The following IFNAR1 variants were observed in gnomAD, a reference collection of about 807,000 sequenced individuals.
IFNAR1 encodes the protein interferon alpha/beta receptor 1.
A neutral mutation model predicts 62.1 loss-of-function variants in IFNAR1; 47 were observed. The ratio of observed to expected loss-of-function variants is 0.76; its 90% confidence interval spans 0.60 to 0.97. The LOEUF (loss-of-function observed/expected upper bound fraction) is 0.97. Ranked by LOEUF, IFNAR1 falls within the 50% of genes least tolerant of loss-of-function variation. The probability of loss-of-function intolerance (pLI) is 0.00; values close to 1 mark genes in which losing one functional copy is unlikely to be tolerated. For missense variants in IFNAR1, 638 were observed against 654.5 expected (o/e 0.97, Z 0.27); for synonymous variants, 219 against 226.9 (o/e 0.97, Z 0.31).
Position 33,349,544 on chromosome 21 carries a change from G to GTTTT in IFNAR1, c.1143+2_1143+3insTTTT. The GTTTT allele has an allele frequency of 6.3e-7, 1 of 1,580,496 alleles. No homozygotes were observed. The highest frequency in any genetic ancestry group is 8.7e-7 in the Non-Finnish European group (1 of 1,155,040). On this transcript the variant is annotated splice_donor_variant, in intron 8 of 10. Coordinates refer to ENST00000270139, the MANE Select transcript of IFNAR1 (RefSeq NM_000629.3). LOFTEE classifies it high-confidence loss of function. ...TTGGGAAAACACTTCAAATGCTGAGGTAAAAAGACTGTATAGTATAATTTT... is the reference window on the plus strand; with the variant it reads ...TTGGGAAAACACTTCAAATGCTGAGGTTTTTAAAAAGACTGTATAGTATAATTTT...
intron 6 of IFNAR1, 134 bp from the exon 7 acceptor site, chr21:33,348,957 T>A: frequency 1.7e-6 from 1 of 597,488 alleles, no homozygotes. Flanking sequence ...TAGATGCATA[T>A]CTCTTCCATT....
At chr21:33,354,490 A>G (rs2083429807) in intron 10 of IFNAR1, among the ~76,000 whole-genome samples, 2 of 152,260 alleles carry the variant, frequency 1.3e-5, no homozygotes, top group South Asian at 4.1e-4. Flanking sequence ...AAAATATTCT[A>G]TCAGCGTAGA....
chr21:33,349,251 T>C lies in IFNAR1; in HGVS notation c.949T>C (p.Phe317Leu). 1 of 1,612,964 alleles carries C rather than the reference T, an allele frequency of 6.2e-7. No individual in the cohort carries two copies. Among genetic ancestry groups the C allele is most frequent in the Non-Finnish European group, 8.5e-7 (1 of 1,179,244 alleles). Residue 317 changes from phenylalanine to leucine, a missense_variant, in exon 7 of 11, where the codon TTT becomes CTT. Phe to Leu is a conservative substitution (Grantham distance 22, BLOSUM62 0). Coordinates refer to ENST00000270139, the MANE Select transcript of IFNAR1 (RefSeq NM_000629.3). ...AGCATCTGATGGAAATAACACATCT[T>C]TTTGGTCTGAAGAGATAAAGTTTGA... is the stretch of plus-strand genomic sequence containing the variant. ...VQASDGNNTS[F>L]WSEEIKFDTE...
intron 3 of IFNAR1, among the ~76,000 whole-genome samples, chr21:33,342,688 C>CAAAAAA (rs757422966): frequency 1.1e-5 from 1 of 93,516 alleles, no homozygotes; most frequent in African/African-American, 4.0e-5. Context: ...ACTAAAAATA[C>CAAAAAA]AAAAAAAAAA....
In IFNAR1 at chr21:33,356,737, G is replaced by A. The variant is rs965860898; in HGVS notation, c.*1188G>A. Reference sequence around the variant, plus strand: ...AGATAGTGTATGCAAGAAGTCTTGGGACCAGAAAATGGCAATGATAGGAGA... The same window carrying A: ...AGATAGTGTATGCAAGAAGTCTTGGAACCAGAAAATGGCAATGATAGGAGA... On this transcript the variant is annotated 3_prime_UTR_variant, in exon 11 of 11. Coordinates refer to ENST00000270139, the MANE Select transcript of IFNAR1 (RefSeq NM_000629.3). 6.6e-6 allele frequency: 1 copy of A among 152,192 alleles called. No homozygotes were observed. Among genetic ancestry groups the A allele is most frequent in the African/African-American group, 2.4e-5 (1 of 41,438 alleles). 9.4% of individuals were successfully genotyped at this position (152,192 alleles called of 1,614,324 possible).
intron 2 of IFNAR1, among the ~76,000 whole-genome samples, chr21:33,340,531 T>C (rs569405488): frequency 2.0e-5 from 3 of 151,526 alleles, no homozygotes; most frequent in African/African-American, 7.2e-5. Context: ...GCTTTGCCTT[T>C]TTTTTTTTTT....
upstream of IFNAR1, chr21:33,324,729 G>A: frequency 2.6e-6 from 1 of 389,950 alleles, no homozygotes; most frequent in Non-Finnish European, 4.8e-6. Flanking sequence ...CCGGCCATAG[G>A]CCGGAAAGAG....
chr21:33,350,577 A>G (rs1248032024), intron 8 of IFNAR1, among the ~76,000 whole-genome samples: 1 of 152,330 alleles, frequency 6.6e-6, no homozygotes, highest in East Asian at 1.9e-4. Context: ...ACTGACAAAG[A>G]TAATATATAC....
chr21:33,339,349 A>C (rs1186697975), intron 2 of IFNAR1, among the ~76,000 whole-genome samples: 2 of 152,192 alleles, frequency 1.3e-5, no homozygotes, highest in Non-Finnish European at 2.9e-5. Flanking sequence ...AAAACTGGCC[A>C]AGAATGAAGT....
In IFNAR1 at chr21:33,349,267, T is replaced by A; in HGVS notation, c.965T>A (p.Ile322Lys). The A allele has an allele frequency of 6.2e-7, 1 of 1,607,198 alleles. No individual in the cohort carries two copies. Reference sequence around the variant, plus strand: ...AACACATCTTTTTGGTCTGAAGAGATAAAGTTTGATACTGAAATACAAGGT... The same window carrying A: ...AACACATCTTTTTGGTCTGAAGAGAAAAAGTTTGATACTGAAATACAAGGT... Reference protein sequence around the residue: ...GNNTSFWSEEIKFDTEIQAFL... With the variant: ...GNNTSFWSEEKKFDTEIQAFL... Residue 322 changes from isoleucine to lysine, a missense_variant, in exon 7 of 11, where the codon ATA becomes AAA. Coordinates refer to ENST00000270139, the MANE Select transcript of IFNAR1 (RefSeq NM_000629.3).
chr21:33,349,829 G>A (rs764851527), intron 8 of IFNAR1, among the ~76,000 whole-genome samples: 5 of 151,710 alleles, frequency 3.3e-5, no homozygotes, highest in Middle Eastern at 3.2e-3. Context: ...GGGGTGGGAG[G>A]GTCACTTGAA....
intron 6 of IFNAR1, among the ~76,000 whole-genome samples, chr21:33,346,807 G>A (rs540797893): frequency 7.2e-5 from 11 of 152,318 alleles, no homozygotes; most frequent in Admixed American, 4.6e-4. Context: ...CATAAGGAAA[G>A]AGATAAGGTA....
At chr21:33,344,514 A>G (rs1279669503) in intron 5 of IFNAR1, among the ~76,000 whole-genome samples, 1 of 149,812 alleles carries the variant, frequency 6.7e-6, no homozygotes, top group Non-Finnish European at 1.5e-5. Flanking sequence ...AATTCCATTC[A>G]CTAGAGATAA....
intron 6 of IFNAR1, among the ~76,000 whole-genome samples, chr21:33,345,973 A>G (rs954919820): frequency 2.0e-5 from 3 of 152,200 alleles, no homozygotes; most frequent in African/African-American, 7.2e-5. Flanking sequence ...CGTCCCAGCT[A>G]CTCAGTGGGC....
At chr21:33,324,942 A>C, upstream of IFNAR1, 2 of 867,462 alleles carry the variant, frequency 2.3e-6, no homozygotes, top group Non-Finnish European at 3.6e-6. Context: ...GGTGAGAGCT[A>C]AGAGGGGCAG....
intron 1 of IFNAR1, chr21:33,335,016 T>C: frequency 6.8e-7 from 1 of 1,480,162 alleles, no homozygotes; most frequent in Non-Finnish European, 9.4e-7. Context: ...TTCCTGGCAC[T>C]GGTCAATTAT....
intron 1 of IFNAR1, among the ~76,000 whole-genome samples, chr21:33,331,406 A>G (rs1198186923): frequency 3.9e-5 from 6 of 152,282 alleles, no homozygotes; most frequent in Middle Eastern, 3.4e-3. Context: ...CCGAGCAGCT[A>G]TGCATCCCAG....
chr21:33,355,651 C>A lies in IFNAR1; in HGVS notation c.*102C>A. On this transcript the variant is annotated 3_prime_UTR_variant, in exon 11 of 11. Coordinates refer to ENST00000270139, the MANE Select transcript of IFNAR1 (RefSeq NM_000629.3). Reference sequence around the variant, plus strand: ...CAGTAACTACAGAGAGGACGTTTCCCTGTTTAGGGAAAGAAAAAACATCTT... The same window carrying A: ...CAGTAACTACAGAGAGGACGTTTCCATGTTTAGGGAAAGAAAAAACATCTT... 1.7e-6 allele frequency: 1 copy of A among 583,478 alleles called. No individual in the cohort carries two copies. Among genetic ancestry groups the A allele is most frequent in the Non-Finnish European group, 3.0e-6 (1 of 332,938 alleles). The allele number at this position is 583,478 out of a possible 1,614,324, so 36.1% of individuals were successfully genotyped here.
intron 10 of IFNAR1, 98 bp from the exon 11 acceptor site, chr21:33,355,218 C>T (rs751113758): frequency 3.1e-6 from 2 of 636,938 alleles, no homozygotes; most frequent in Non-Finnish European, 2.7e-6. Flanking sequence ...TAGGTTTTCT[C>T]AGTAATGGAT....
Sources: gnomAD v4.1 joint callset for allele counts (sites outside exome capture counted in the v4.1 genomes callset) on GRCh38, gnomAD v4.1.1 for gene constraint, MANE v1.5 for transcripts, NCBI Gene and HGNC (gene_info 2026-07-23, HGNC 2026-07-21) for gene names.